ANKRD44: variants seen among roughly 807,000 people sequenced by gnomAD.
ANKRD44 encodes the protein ankyrin repeat domain 44, also known as serine/threonine-protein phosphatase 6 regulatory ankyrin repeat subunit B.
ANKRD44 carries 35 observed loss-of-function variants against 116.0 expected under a neutral mutation model. The ratio of observed to expected loss-of-function variants is 0.30; its 90% CI spans 0.23 to 0.40. The LOEUF (loss-of-function observed/expected upper bound fraction) is 0.40, where lower values mean the gene tolerates loss of function less well. Among genes scored for constraint, ANKRD44 ranks in the 10% least tolerant of loss-of-function variants. ANKRD44 has a pLI of 1.00. For missense variants in ANKRD44, 1,014 were observed against 1,242.6 expected (o/e 0.82, Z 2.77); for synonymous variants, 435 against 461.8 (o/e 0.94, Z 0.74).
intron 1 of ANKRD44, among the ~76,000 whole-genome samples, chr2:197,268,793 G>C (rs376822319): frequency 6.6e-6 from 1 of 152,138 alleles, no homozygotes; most frequent in South Asian, 2.1e-4. Flanking sequence ...CCTTCACTCC[G>C]CAGAACTGGG....
intron 1 of ANKRD44, among the ~76,000 whole-genome samples, chr2:197,291,403 G>C (rs2083566133): frequency 6.6e-6 from 1 of 152,074 alleles, no homozygotes; most frequent in Non-Finnish European, 1.5e-5. Context: ...CCAGCTACTT[G>C]GGAGGCTGAG....
chr2:197,032,644 T>C (rs2076729332), intron 16 of ANKRD44, among the ~76,000 whole-genome samples: 1 of 152,184 alleles, frequency 6.6e-6, no homozygotes, highest in African/African-American at 2.4e-5. Context: ...CACCTTGGCA[T>C]CCCAAAATGT....
At chr2:197,034,499 T>A (rs1423111145) in intron 16 of ANKRD44, among the ~76,000 whole-genome samples, 1 of 148,430 alleles carries the variant, frequency 6.7e-6, no homozygotes, top group Non-Finnish European at 1.5e-5. Context: ...ATTGGCACAA[T>A]AAACTTTGCA....
At chr2:197,116,684 T>C (rs1574486188) in intron 8 of ANKRD44, among the ~76,000 whole-genome samples, 1 of 152,222 alleles carries the variant, frequency 6.6e-6, no homozygotes, top group African/African-American at 2.4e-5. Flanking sequence ...GTACTCATGC[T>C]ATTACATACT....
intron 9 of ANKRD44, among the ~76,000 whole-genome samples, chr2:197,105,436 G>GATT (rs2078403369): frequency 2.0e-5 from 3 of 152,184 alleles, no homozygotes; most frequent in African/African-American, 7.2e-5. Flanking sequence ...GAATTGTCCA[G>GATT]ATAATAGAGT....
intron 1 of ANKRD44, among the ~76,000 whole-genome samples, chr2:197,205,942 C>T (rs2081195815): frequency 6.6e-6 from 1 of 152,098 alleles, no homozygotes; most frequent in South Asian, 2.1e-4. Context: ...AGTTCAGAGG[C>T]TGGAGTGTGG....
intron 1 of ANKRD44, among the ~76,000 whole-genome samples, chr2:197,265,688 A>G (rs1388807731): frequency 6.6e-6 from 1 of 152,158 alleles, no homozygotes; most frequent in Non-Finnish European, 1.5e-5. Context: ...TGCAGAGATC[A>G]TTATAATTGA....
intron 1 of ANKRD44, among the ~76,000 whole-genome samples, chr2:197,297,015 C>A (rs1425942399): frequency 6.6e-6 from 1 of 152,146 alleles, no homozygotes; most frequent in East Asian, 1.9e-4. Context: ...CAAAAAGACA[C>A]AGTTTTATAT....
chr2:197,081,846 A>G, intron 14 of ANKRD44, 121 bp from the exon 15 acceptor site: 1 of 730,160 alleles, frequency 1.4e-6, no homozygotes, highest in East Asian at 2.6e-5. Flanking sequence ...AGAAGTAAGC[A>G]CCACTGATTT....
intron 13 of ANKRD44, 55 bp downstream of exon 13, chr2:197,086,625 C>A: frequency 6.5e-7 from 1 of 1,537,580 alleles, no homozygotes; most frequent in Non-Finnish European, 9.0e-7. Context: ...ACTACATAGA[C>A]CACTCCCAGT....
At chr2:197,140,279 C>T (rs961585826) in intron 3 of ANKRD44, among the ~76,000 whole-genome samples, 4 of 152,002 alleles carry the variant, frequency 2.6e-5, no homozygotes, top group African/African-American at 7.3e-5. Context: ...GCTTAGTTTC[C>T]CCACATCCTC....
At chr2:197,079,751 C>G (rs558113477) in intron 15 of ANKRD44, among the ~76,000 whole-genome samples, 44 of 152,226 alleles carry the variant, frequency 2.9e-4, no homozygotes, top group Non-Finnish European at 6.0e-4. Flanking sequence ...AAATATCAAC[C>G]CATACATTAA....
chr2:197,265,092 C>T (rs1462430403), intron 1 of ANKRD44, among the ~76,000 whole-genome samples: 3 of 152,224 alleles, frequency 2.0e-5, no homozygotes, highest in African/African-American at 4.8e-5. Flanking sequence ...TTCTGTCCAA[C>T]ATCAACCCTG....
intron 21 of ANKRD44, among the ~76,000 whole-genome samples, chr2:196,973,459 T>C (rs1371086469): frequency 1.3e-5 from 2 of 152,218 alleles, no homozygotes; most frequent in Non-Finnish European, 2.9e-5. Context: ...TATATCAATC[T>C]TTTAATTTAT....
chr2:196,972,907 C>A (rs1383603694), intron 21 of ANKRD44, among the ~76,000 whole-genome samples: 4 of 152,176 alleles, frequency 2.6e-5, no homozygotes, highest in Non-Finnish European at 5.9e-5. Context: ...CATTTAGCAT[C>A]CCTGAAATTG....
chr2:197,211,278 G>C (rs919254142), intron 1 of ANKRD44, among the ~76,000 whole-genome samples: 8 of 152,194 alleles, frequency 5.3e-5, no homozygotes, highest in African/African-American at 1.9e-4. Flanking sequence ...CAGGGTGAGA[G>C]ACAACCCAGG....
At chr2:197,084,750 T>C (rs1346884573) in intron 13 of ANKRD44, among the ~76,000 whole-genome samples, 1 of 149,102 alleles carries the variant, frequency 6.7e-6, no homozygotes, top group African/African-American at 2.6e-5. Flanking sequence ...TTCTCCTCTT[T>C]AGTTAAAAAA....
chr2:197,121,483 T>A lies in ANKRD44; in HGVS notation c.755A>T (p.Asp252Val). The A allele has an allele frequency of 6.2e-7, 1 of 1,614,212 alleles. No individual in the cohort carries two copies. Among genetic ancestry groups the A allele is most frequent in the Non-Finnish European group, 8.5e-7 (1 of 1,180,040 alleles). The change falls in exon 8 of 28, where the codon GAT becomes GTT. Residue 252 changes from aspartate (D) to valine (V), a missense_variant. Coordinates refer to ENST00000282272, the MANE Select transcript of ANKRD44 (RefSeq NM_001195144.2). ...ALHIACYNGQ[D>V]AVVNELIDYG... ...GTCAATCAACTCGTTAACCACAGCA[T>A]CCTGTCCATTGTAGCAGGCGATGTG...
At chr2:197,242,667 C>T (rs1388687516) in intron 1 of ANKRD44, among the ~76,000 whole-genome samples, 2 of 152,180 alleles carry the variant, frequency 1.3e-5, no homozygotes, top group Non-Finnish European at 2.9e-5. Flanking sequence ...GAATGGTCCC[C>T]GTCTTTCCAG....
Sources: allele counts gnomAD v4.1 joint callset (sites outside exome capture counted in the v4.1 genomes callset), GRCh38; gene constraint gnomAD v4.1.1; transcripts MANE v1.5; gene names NCBI Gene and HGNC (gene_info 2026-07-23, HGNC 2026-07-21).